ADARB2: variants seen among roughly 807,000 people sequenced by gnomAD.
ADARB2 encodes inactive double-stranded RNA-specific editase B2.
A neutral mutation model predicts 62.2 loss-of-function variants in ADARB2; 25 were observed. That is an observed-to-expected ratio of 0.40 (90% CI 0.29 to 0.56). ADARB2 has a LOEUF of 0.56. ADARB2 is among the 20% of genes least tolerant of loss of function. The pLI is 0.43. For missense variants in ADARB2, 1,071 were observed against 1,077.4 expected (o/e 0.99, Z 0.08); for synonymous variants, 572 against 500.8 (o/e 1.14, Z -1.90).
At chr10:1,240,503 C>T (rs34404237) in intron 5 of ADARB2, 7,474 of 152,566 alleles carry the variant, frequency 0.049, 235 homozygotes, top group Non-Finnish European at 0.071. Flanking sequence ...GAAGTCCTTG[C>T]GGCATCCAGC....
chr10:1,680,817 G>A (rs1304571159), intron 1 of ADARB2, among the ~76,000 whole-genome samples: 2 of 152,092 alleles, frequency 1.3e-5, no homozygotes, highest in African/African-American at 4.8e-5. Flanking sequence ...CAGACCCTGG[G>A]GTGAGTTTTC....
intron 1 of ADARB2, among the ~76,000 whole-genome samples, chr10:1,604,508 G>A (rs1833470666): frequency 6.6e-6 from 1 of 152,178 alleles, no homozygotes; most frequent in African/African-American, 2.4e-5. Context: ...ATTACTCCAG[G>A]GAGAGGCCAG....
At chr10:1,695,429 C>T (rs556364558) in intron 1 of ADARB2, among the ~76,000 whole-genome samples, 2 of 152,310 alleles carry the variant, frequency 1.3e-5, no homozygotes, top group Non-Finnish European at 2.9e-5. Flanking sequence ...CTTCCTTTTA[C>T]CTCAAGCTAT....
rs377246073 is a variant in ADARB2 at position 1,395,736 on chromosome 10, A to G, written c.101-16576T>C. ...CGTCCTGGGCAGCTGCGGGAATCCA[A>G]TGAGACAAGGACCGGGAGTGCAGCA... is the stretch of plus-strand genomic sequence containing the variant. On this transcript the variant is annotated intron_variant, in intron 1 of 9. Transcript: ENST00000381312. Among the ~76,000 whole-genome samples, 26 of 152,254 alleles carry G rather than the reference A, an allele frequency of 1.7e-4. No individual in the cohort carries two copies. The East Asian group carries it at 2.7e-3, about 16-fold the overall frequency.
chr10:1,308,360 C>T (rs1030269879), intron 3 of ADARB2, among the ~76,000 whole-genome samples: 3 of 152,208 alleles, frequency 2.0e-5, no homozygotes, highest in African/African-American at 7.2e-5. Flanking sequence ...ACTCATATTC[C>T]ATTTTCTGGA....
chr10:1,264,676 T>C (rs1473773141), intron 4 of ADARB2, among the ~76,000 whole-genome samples: 3 of 152,246 alleles, frequency 2.0e-5, no homozygotes, highest in Non-Finnish European at 2.9e-5. Context: ...GGAAAACTTA[T>C]GCTCCATCGT....
intron 3 of ADARB2, among the ~76,000 whole-genome samples, chr10:1,327,643 T>C (rs377074171): frequency 4.5e-4 from 35 of 77,766 alleles, no homozygotes; most frequent in Non-Finnish European, 4.7e-4. Flanking sequence ...CAGCGCCTCC[T>C]CACTGCCCAG....
chr10:1,513,831 G>A (rs564251953), intron 1 of ADARB2, among the ~76,000 whole-genome samples: 224 of 152,162 alleles, frequency 1.5e-3, no homozygotes, highest in African/African-American at 5.0e-3. Context: ...CCTTTCTGGC[G>A]CCTCTTACTG....
intron 1 of ADARB2, among the ~76,000 whole-genome samples, chr10:1,452,941 A>ATCCT (rs1330419355): frequency 6.6e-6 from 1 of 152,202 alleles, no homozygotes; most frequent in Non-Finnish European, 1.5e-5. Context: ...GTCACAATGC[A>ATCCT]TCCTGGTGGG....
intron 1 of ADARB2, among the ~76,000 whole-genome samples, chr10:1,563,454 T>G (rs1832814993): frequency 6.6e-6 from 1 of 152,096 alleles, no homozygotes; most frequent in Non-Finnish European, 1.5e-5. Flanking sequence ...TGGCTATAGC[T>G]TAGCTTAATC....
At chr10:1,573,592 C>G (rs1832969058) in intron 1 of ADARB2, among the ~76,000 whole-genome samples, 1 of 152,200 alleles carries the variant, frequency 6.6e-6, no homozygotes, top group Non-Finnish European at 1.5e-5. Context: ...ACGGCGGCCT[C>G]CCCCTTCCCC....
intron 1 of ADARB2, among the ~76,000 whole-genome samples, chr10:1,551,087 A>G (rs1274888401): frequency 6.6e-6 from 1 of 152,200 alleles, no homozygotes; most frequent in Non-Finnish European, 1.5e-5. Context: ...ATGAAGTCAT[A>G]TGACTGGACC....
intron 6 of ADARB2, among the ~76,000 whole-genome samples, chr10:1,232,645 G>A (rs1415009826): frequency 6.6e-6 from 1 of 151,130 alleles, no homozygotes; most frequent in Non-Finnish European, 1.5e-5. Context: ...TGTGGTCTGT[G>A]TGTGGTATAT....
intron 1 of ADARB2, among the ~76,000 whole-genome samples, chr10:1,576,374 C>A (rs373942203): frequency 6.8e-6 from 1 of 146,586 alleles, no homozygotes; most frequent in African/African-American, 2.5e-5. Flanking sequence ...CTTAGGGTCA[C>A]AGGAGGGGGC....
At chr10:1,556,858 C>CT (rs775930749) in intron 1 of ADARB2, 1 of 532,298 alleles carries the variant, frequency 1.9e-6, no homozygotes, top group Non-Finnish European at 3.9e-6. Context: ...ACAACCCCTC[C>CT]TCATGGGGGA....
chr10:1,352,433 C>T (rs1302053156), intron 3 of ADARB2, among the ~76,000 whole-genome samples: 2 of 152,192 alleles, frequency 1.3e-5, no homozygotes, highest in Non-Finnish European at 2.9e-5. Flanking sequence ...CACCCTAGCT[C>T]TCCCTGACTC....
intron 1 of ADARB2, among the ~76,000 whole-genome samples, chr10:1,513,196 A>G (rs901723351): frequency 2.6e-5 from 4 of 152,240 alleles, no homozygotes; most frequent in Non-Finnish European, 5.9e-5. Flanking sequence ...AGATATATAC[A>G]ATAACAGTAA....
At chr10:1,503,800 C>T (rs757348532) in intron 1 of ADARB2, among the ~76,000 whole-genome samples, 4 of 151,996 alleles carry the variant, frequency 2.6e-5, no homozygotes, top group Non-Finnish European at 5.9e-5. Context: ...TGCCCACGCC[C>T]CGCCCCCTTG....
chr10:1,411,107 A>G (rs531129599), intron 1 of ADARB2, among the ~76,000 whole-genome samples: 1 of 152,310 alleles, frequency 6.6e-6, no homozygotes, highest in East Asian at 1.9e-4. Flanking sequence ...GGACCAGGGC[A>G]CGGCCATCCA....
Sources: gnomAD v4.1 joint callset for allele counts (sites outside exome capture counted in the v4.1 genomes callset) on GRCh38, gnomAD v4.1.1 for gene constraint, MANE v1.5 for transcripts, NCBI Gene and HGNC (gene_info 2026-07-23, HGNC 2026-07-21) for gene names.